Variants in FAF1 observed in about 807,000 individuals in gnomAD.
FAF1 encodes the protein Fas associated factor 1.
In FAF1, 25 loss-of-function variants were observed where a neutral mutation model predicts 92.5. That is an observed-to-expected ratio of 0.27 (90% confidence interval 0.20 to 0.38). The LOEUF (loss-of-function observed/expected upper bound fraction) is 0.38. FAF1 is among the 10% of genes least tolerant of loss of function. The probability of loss-of-function intolerance (pLI) is 1.00; values close to 1 mark genes in which losing one functional copy is unlikely to be tolerated. For missense variants in FAF1, 636 were observed against 793.3 expected (o/e 0.80, Z 2.38); for synonymous variants, 234 against 273.2 (o/e 0.86, Z 1.42).
At chr1:50,517,927 A>G (rs1025513997) in intron 15 of FAF1, among the ~76,000 whole-genome samples, 1 of 152,256 alleles carries the variant, frequency 6.6e-6, no homozygotes, top group East Asian at 1.9e-4. Context: ...AACCCATTTT[A>G]AAGTCCATTA....
chr1:50,667,726 C>T (rs763175685), intron 7 of FAF1, among the ~76,000 whole-genome samples: 3 of 152,130 alleles, frequency 2.0e-5, no homozygotes, highest in African/African-American at 4.8e-5. Context: ...AACAATAATG[C>T]GGATTTTTAA....
chr1:50,706,968 C>A (rs1657698631), intron 6 of FAF1, among the ~76,000 whole-genome samples: 1 of 152,164 alleles, frequency 6.6e-6, no homozygotes. Flanking sequence ...CTTTGGCAGG[C>A]CGAGGCCAGT....
chr1:50,908,592 C>T (rs1644858661), intron 1 of FAF1, among the ~76,000 whole-genome samples: 1 of 152,116 alleles, frequency 6.6e-6, no homozygotes. Context: ...ATAGTTAGCT[C>T]TTCTTGTTGA....
At chr1:50,604,728 T>A (rs1290240430) in intron 8 of FAF1, among the ~76,000 whole-genome samples, 4 of 151,980 alleles carry the variant, frequency 2.6e-5, no homozygotes, top group African/African-American at 9.7e-5. Context: ...AGAGATGGAG[T>A]CTCATCATGT....
intron 8 of FAF1, among the ~76,000 whole-genome samples, chr1:50,599,444 A>G (rs950035993): frequency 1.3e-5 from 2 of 152,172 alleles, no homozygotes; most frequent in Non-Finnish European, 2.9e-5. Flanking sequence ...AAAAAAAGCA[A>G]TGGTAGGCAA....
At chr1:50,553,235 C>G (rs1321202918) in intron 13 of FAF1, among the ~76,000 whole-genome samples, 3 of 152,254 alleles carry the variant, frequency 2.0e-5, no homozygotes, top group Non-Finnish European at 4.4e-5. Flanking sequence ...AAGTGGTGAT[C>G]AGAGCCAGAT....
intron 2 of FAF1, among the ~76,000 whole-genome samples, chr1:50,843,224 G>A (rs991223993): frequency 2.0e-5 from 3 of 152,010 alleles, no homozygotes; most frequent in African/African-American, 7.2e-5. Flanking sequence ...TGATAAGAGG[G>A]TTTGCCTATG....
intron 15 of FAF1, among the ~76,000 whole-genome samples, chr1:50,509,724 T>C (rs1410401212): frequency 1.3e-5 from 2 of 152,138 alleles, no homozygotes; most frequent in East Asian, 3.8e-4. Flanking sequence ...AGTCCTCCTT[T>C]CATCTTGGTG....
intron 2 of FAF1, among the ~76,000 whole-genome samples, chr1:50,850,987 A>C (rs1644343822): frequency 6.6e-6 from 1 of 152,232 alleles, no homozygotes; most frequent in South Asian, 2.1e-4. Flanking sequence ...ATAGAAATTA[A>C]ATCAAGCTAA....
chr1:50,817,993 A>T (rs2124614460), intron 2 of FAF1, among the ~76,000 whole-genome samples: 1 of 152,316 alleles, frequency 6.6e-6, no homozygotes, highest in Non-Finnish European at 1.5e-5. Flanking sequence ...ACAAAAATCT[A>T]ATCTATAGTT....
chr1:50,924,900 T>G (rs1159970017), intron 1 of FAF1, among the ~76,000 whole-genome samples: 1 of 152,184 alleles, frequency 6.6e-6, no homozygotes, highest in Non-Finnish European at 1.5e-5. Context: ...GGTGAATTAC[T>G]TGAACCCAGG....
intron 4 of FAF1, among the ~76,000 whole-genome samples, chr1:50,774,304 A>G (rs72902736): frequency 0.066 from 10,079 of 152,264 alleles, 414 homozygotes; most frequent in East Asian, 0.094. Flanking sequence ...TTTAACTAGT[A>G]TTTATTACTC....
intron 1 of FAF1, among the ~76,000 whole-genome samples, chr1:50,926,865 C>G (rs1484538206): frequency 6.6e-6 from 1 of 152,186 alleles, no homozygotes; most frequent in Non-Finnish European, 1.5e-5. Flanking sequence ...GTATAAACAA[C>G]TCAAATGTCC....
chr1:50,726,077 A>C (rs1658638130), intron 6 of FAF1, among the ~76,000 whole-genome samples: 1 of 151,692 alleles, frequency 6.6e-6, no homozygotes, highest in Admixed American at 6.6e-5. Context: ...AGATGGTGAA[A>C]CCCTGTCTCT....
At chr1:50,907,245 G>A (rs916902614) in intron 1 of FAF1, among the ~76,000 whole-genome samples, 7 of 152,216 alleles carry the variant, frequency 4.6e-5, no homozygotes, top group African/African-American at 1.4e-4. Context: ...TGATCGTGGT[G>A]TATAAACTTT....
At position 50,491,816 on chromosome 1, in the gene FAF1, T is replaced by C. The variant is rs760655656; in HGVS notation, c.1495-15A>G. 5 of 1,589,666 alleles carry C rather than the reference T, an allele frequency of 3.1e-6. No homozygotes were observed. Among genetic ancestry groups the C allele is most frequent in the Admixed American group, 3.7e-5 (2 of 54,714 alleles). On this transcript the variant is annotated splice_polypyrimidine_tract_variant and intron_variant, in intron 15 of 18. Transcript: ENST00000396153. Reference sequence around the variant, plus strand: ...TCACGTTCATCCTTAAAGAAAAAGATTCAAATATTTTTTGACATATAACTT... The same window carrying C: ...TCACGTTCATCCTTAAAGAAAAAGACTCAAATATTTTTTGACATATAACTT...
intron 2 of FAF1, among the ~76,000 whole-genome samples, chr1:50,857,431 A>T (rs1445351612): frequency 6.6e-6 from 1 of 151,820 alleles, no homozygotes; most frequent in Non-Finnish European, 1.5e-5. Flanking sequence ...GTGAATGTTT[A>T]GTGCTATGCT....
chr1:50,498,836 C>T (rs1363399694), intron 15 of FAF1, among the ~76,000 whole-genome samples: 9 of 145,722 alleles, frequency 6.2e-5, no homozygotes, highest in East Asian at 2.0e-4. Flanking sequence ...GGCGACAGAG[C>T]GAACCTCTGT....
At chr1:50,568,861 A>G (rs925641910) in intron 12 of FAF1, among the ~76,000 whole-genome samples, 1 of 152,112 alleles carries the variant, frequency 6.6e-6, no homozygotes, top group African/African-American at 2.4e-5. Flanking sequence ...TTGGGCTGAG[A>G]CTCAGAGACA....
Sources: allele counts gnomAD v4.1 joint callset (sites outside exome capture counted in the v4.1 genomes callset), GRCh38; gene constraint gnomAD v4.1.1; transcripts MANE v1.5; gene names NCBI Gene and HGNC (gene_info 2026-07-23, HGNC 2026-07-21).